HAPLN1: variants seen among roughly 807,000 people sequenced by gnomAD.
The protein encoded by HAPLN1 is Cartilage link protein.
Under a neutral mutation model 36.5 loss-of-function variants are expected in HAPLN1, and 13 were observed. The observed-to-expected ratio is 0.36, with a 90% CI of 0.23 to 0.57. The LOEUF is 0.57. Among genes scored for constraint, HAPLN1 ranks in the 20% least tolerant of loss-of-function variants. The pLI, the probability that HAPLN1 is intolerant of heterozygous loss-of-function variation, is 0.83. For synonymous variants in HAPLN1, 202 were observed against 169.8 expected (o/e 1.19, Z -1.48); for missense variants, 407 against 439.7 (o/e 0.93, Z 0.66).
Position 83,641,463 on chromosome 5 carries a change from T to C in HAPLN1, c.*33A>G. The stretch of plus-strand genomic sequence containing the variant: ...AAAAACACCTTTCACATGTTCTTAA[T>C]GACTTTAAAACTGATGCGCTCTAAG... On this transcript the variant is annotated 3_prime_UTR_variant, in exon 5 of 5. Transcript: ENST00000274341. 6.5e-7 allele frequency: 1 copy of C among 1,527,500 alleles called. No individual in the cohort carries two copies. The highest frequency in any genetic ancestry group is 8.8e-7 in the Non-Finnish European group (1 of 1,136,300). The allele number at this position is 1,527,500 out of a possible 1,614,324, so 94.6% of individuals were successfully genotyped here. A position where few individuals can be genotyped will look rare whatever the true frequency, so the allele number is the denominator to read the frequency against.
chr5:83,674,577 GT>G (rs1170084305), intron 1 of HAPLN1: 5 of 152,230 alleles, frequency 3.3e-5, no homozygotes, highest in Non-Finnish European at 7.3e-5. Flanking sequence ...GAGCTTCTTG[GT>G]TTTAATGTGG....
intron 1 of HAPLN1, among the ~76,000 whole-genome samples, chr5:83,702,382 G>A (rs779343760): frequency 1.3e-5 from 2 of 152,200 alleles, no homozygotes; most frequent in East Asian, 3.9e-4. Flanking sequence ...GATAAAGATG[G>A]ATATGAACAT....
chr5:83,719,021 T>A (rs1238237951), intron 1 of HAPLN1, among the ~76,000 whole-genome samples: 2 of 152,186 alleles, frequency 1.3e-5, no homozygotes, highest in African/African-American at 4.8e-5. Flanking sequence ...TCATAAAGTA[T>A]CTTTCTGTGT....
intron 2 of HAPLN1, among the ~76,000 whole-genome samples, chr5:83,662,976 T>C (rs77766453): frequency 0.014 from 2,185 of 152,236 alleles, 47 homozygotes; most frequent in African/African-American, 0.05. Context: ...CTAATAAACA[T>C]GAATCAACAG....
intron 1 of HAPLN1, among the ~76,000 whole-genome samples, chr5:83,711,674 G>C (rs527852559): frequency 6.6e-6 from 1 of 152,296 alleles, no homozygotes; most frequent in African/African-American, 2.4e-5. Flanking sequence ...ATATGTAAGT[G>C]ACCAGTTTCC....
chr5:83,685,110 T>G (rs757455554), intron 1 of HAPLN1, among the ~76,000 whole-genome samples: 3 of 152,218 alleles, frequency 2.0e-5, no homozygotes, highest in Non-Finnish European at 4.4e-5. Context: ...ATTAATACAT[T>G]TTCATAATTG....
At chr5:83,697,212 C>T (rs1751407582) in intron 1 of HAPLN1, among the ~76,000 whole-genome samples, 1 of 152,042 alleles carries the variant, frequency 6.6e-6, no homozygotes. Context: ...TGAGTCTATT[C>T]TAGATGATTC....
At chr5:83,705,824 C>T (rs1751633511) in intron 1 of HAPLN1, among the ~76,000 whole-genome samples, 1 of 151,770 alleles carries the variant, frequency 6.6e-6, no homozygotes, top group South Asian at 2.1e-4. Context: ...CGAAAGACTG[C>T]TAACTAGGGT....
Position 83,673,364 on chromosome 5 carries a change from C to T in HAPLN1, c.100+60G>A, listed in dbSNP as rs553434815. 1.5e-4 allele frequency: 177 copies of T among 1,176,182 alleles called. 2 individuals are homozygous for T. The South Asian group carries it at 1.8e-3, about 12-fold the overall frequency. 72.9% of individuals were successfully genotyped at this position (1,176,182 alleles called of 1,614,324 possible). ...AAATTAAGAAACACTAGCCCAGCAT[C>T]TCAACTCTAAGTAACTTAAAATTAA... is the stretch of plus-strand genomic sequence containing the variant. On this transcript the variant is annotated intron_variant, in intron 2 of 4. Coordinates refer to ENST00000274341, the MANE Select transcript of HAPLN1 (RefSeq NM_001884.4).
rs1749789121 is a variant in HAPLN1, at chr5:83,644,372, T to A, written c.766A>T (p.Asn256Tyr). The change falls in exon 4 of 5, where the codon AAT becomes TAT. Residue 256 changes from asparagine to tyrosine, a missense_variant. Transcript: ENST00000274341. ...SRYDVFCFTS[N>Y]FNGRFYYLIH... ...ACAGTTATTATCTTACCATTGAAAT[T>A]GGATGTAAAACAGAAAACATCATAT... 1 of 1,554,086 alleles carries A rather than the reference T, an allele frequency of 6.4e-7. No homozygotes were observed.
At chr5:83,666,802 C>T (rs1750564346) in intron 2 of HAPLN1, among the ~76,000 whole-genome samples, 1 of 151,864 alleles carries the variant, frequency 6.6e-6, no homozygotes, top group African/African-American at 2.4e-5. Flanking sequence ...ATAATATTGT[C>T]AGTAAACACA....
chr5:83,701,366 A>G (rs1751502967), intron 1 of HAPLN1, among the ~76,000 whole-genome samples: 1 of 152,250 alleles, frequency 6.6e-6, no homozygotes, highest in Admixed American at 6.5e-5. Context: ...CTAATAAGTC[A>G]TCTAAAAGTG....
chr5:83,644,438 C>T lies in HAPLN1; in HGVS notation c.700G>A (p.Gly234Arg), dbSNP rs773059273. Residue 234 changes from glycine to arginine, a missense_variant, in exon 4 of 5, where the codon GGA becomes AGA. Physicochemically the swap from Gly to Arg is moderately radical, Grantham distance 125 (BLOSUM62 -2). Coordinates refer to ENST00000274341, the MANE Select transcript of HAPLN1 (RefSeq NM_001884.4). ...TCCCAAAATCCGTAGTTCCTGACTC[C>T]GGGCACTGTGTTCTGCCCCCCACAG... The part of the protein sequence containing the change: ...EPCGGQNTVP[G>R]VRNYGFWDKD... 8.7e-6 allele frequency: 14 copies of T among 1,611,096 alleles called. No homozygotes were observed. The highest frequency in any genetic ancestry group is 1.7e-4 in the Middle Eastern group (1 of 6,036).
At chr5:83,657,097 CTTT>C (rs1238077382) in intron 2 of HAPLN1, among the ~76,000 whole-genome samples, 1 of 138,508 alleles carries the variant, frequency 7.2e-6, no homozygotes. Flanking sequence ...TTTTGGTTTT[CTTT>C]TTTTTTTTTT....
chr5:83,671,595 G>A (rs181735470), intron 2 of HAPLN1, among the ~76,000 whole-genome samples: 293 of 152,276 alleles, frequency 1.9e-3, no homozygotes, highest in African/African-American at 6.6e-3. Flanking sequence ...AAGGTCACTT[G>A]GAAGCAGTTT....
chr5:83,658,503 A>G (rs1223887927), intron 2 of HAPLN1, among the ~76,000 whole-genome samples: 4 of 152,232 alleles, frequency 2.6e-5, no homozygotes, highest in Non-Finnish European at 4.4e-5. Flanking sequence ...AGTTATGTAC[A>G]TTAAAGACAC....
intron 1 of HAPLN1, among the ~76,000 whole-genome samples, chr5:83,693,755 A>C (rs1318158451): frequency 6.6e-6 from 1 of 151,922 alleles, no homozygotes; most frequent in Non-Finnish European, 1.5e-5. Context: ...CATAATGATA[A>C]AGTGTCCAAT....
chr5:83,711,110 T>TA (rs1039112900), intron 1 of HAPLN1, among the ~76,000 whole-genome samples: 7 of 151,994 alleles, frequency 4.6e-5, no homozygotes, highest in Non-Finnish European at 8.8e-5. Flanking sequence ...AAAGGAGATT[T>TA]AAAAAAATAT....
intron 1 of HAPLN1, among the ~76,000 whole-genome samples, chr5:83,696,823 C>T (rs550508115): frequency 3.9e-5 from 6 of 152,068 alleles, no homozygotes; most frequent in African/African-American, 9.7e-5. Context: ...TTACATTTCT[C>T]CTTTTGTGAA....
Sources: gnomAD v4.1 joint callset for allele counts (sites outside exome capture counted in the v4.1 genomes callset) on GRCh38, gnomAD v4.1.1 for gene constraint, MANE v1.5 for transcripts, NCBI Gene and HGNC (gene_info 2026-07-23, HGNC 2026-07-21) for gene names.